DUSP19: variants seen among roughly 807,000 people sequenced by gnomAD.
DUSP19 encodes dual specificity phosphatase 19.
Under a neutral mutation model 16.6 loss-of-function variants are expected in DUSP19, and 14 were observed. The ratio of observed to expected loss-of-function variants is 0.84; its 90% CI spans 0.56 to 1.32. The LOEUF (loss-of-function observed/expected upper bound fraction) is 1.32. Ranked by LOEUF, DUSP19 falls within the 40% of genes most tolerant of loss-of-function variation. DUSP19 has a pLI of 0.00. For synonymous variants in DUSP19, 81 were observed against 90.5 expected (o/e 0.90, Z 0.59); for missense variants, 258 against 255.9 (o/e 1.01, Z -0.06).
At chr2:183,090,688 T>C (rs1302791990) in intron 3 of DUSP19, among the ~76,000 whole-genome samples, 1 of 152,258 alleles carries the variant, frequency 6.6e-6, no homozygotes, top group Admixed American at 6.5e-5. Flanking sequence ...CAGTTTATAT[T>C]CTTTTATAGC....
At chr2:183,081,150 A>G (rs1482553550) in intron 1 of DUSP19, among the ~76,000 whole-genome samples, 1 of 152,256 alleles carries the variant, frequency 6.6e-6, no homozygotes, top group Non-Finnish European at 1.5e-5. Context: ...AAAAAATATT[A>G]CATAGGCCCT....
intron 2 of DUSP19, among the ~76,000 whole-genome samples, chr2:183,085,390 A>C (rs1699646219): frequency 1.3e-5 from 2 of 152,228 alleles, no homozygotes; most frequent in South Asian, 4.1e-4. Flanking sequence ...TGGAAACTAA[A>C]GAGAATAGTG....
Position 183,095,619 on chromosome 2 carries a change from A to G in DUSP19, c.615A>G (p.Glu205=). The G allele has an allele frequency of 1.9e-6, 3 of 1,614,092 alleles. No homozygotes were observed. Among genetic ancestry groups the G allele is most frequent in the South Asian group, 2.2e-5 (2 of 91,076 alleles). Residue 205 remains glutamate, a synonymous_variant, in exon 4 of 4, where the codon GAA becomes GAG. Coordinates refer to ENST00000354221, the MANE Select transcript of DUSP19 (RefSeq NM_080876.4). ...EQLRTYQEGK[E]SNKCDRIQEN... ...TTCGTACATATCAAGAGGGCAAAGA[A>G]AGCAATAAGTGTGACAGAATACAGG...
chr2:183,081,014 G>A (rs1226488538), intron 1 of DUSP19, among the ~76,000 whole-genome samples: 1 of 152,180 alleles, frequency 6.6e-6, no homozygotes, highest in East Asian at 1.9e-4. Context: ...CCTCCTCAAA[G>A]CGACACAGCT....
At chr2:183,083,758 C>G (rs908063114) in intron 2 of DUSP19, among the ~76,000 whole-genome samples, 5 of 152,132 alleles carry the variant, frequency 3.3e-5, no homozygotes, top group African/African-American at 4.8e-5. Flanking sequence ...TTACATTCTT[C>G]TTGATCTCCT....
At chr2:183,090,992 C>T (rs1029295403) in intron 3 of DUSP19, among the ~76,000 whole-genome samples, 6 of 152,186 alleles carry the variant, frequency 3.9e-5, no homozygotes, top group African/African-American at 1.4e-4. Flanking sequence ...CTGATATTTG[C>T]ACTTCTTGGT....
chr2:183,082,419 C>CTTTT (rs71008260), intron 1 of DUSP19, among the ~76,000 whole-genome samples: 62 of 84,828 alleles, frequency 7.3e-4, no homozygotes, highest in African/African-American at 1.7e-3. Context: ...GAACATTTTT[C>CTTTT]TTTTTTTTTT....
intron 2 of DUSP19, among the ~76,000 whole-genome samples, chr2:183,084,024 C>A (rs1407444622): frequency 6.6e-6 from 1 of 152,096 alleles, no homozygotes; most frequent in Non-Finnish European, 1.5e-5. Flanking sequence ...TGTTTCAGGT[C>A]ATGGAATTGC....
intron 1 of DUSP19, among the ~76,000 whole-genome samples, chr2:183,082,334 C>A (rs1264476218): frequency 6.6e-6 from 1 of 151,618 alleles, no homozygotes. Flanking sequence ...ATTTTTTAAG[C>A]ATATACATAT....
In DUSP19 at chr2:183,079,069, G is replaced by A. The variant is rs1216966262; in HGVS notation, c.136G>A (p.Val46Ile). 1.2e-6 allele frequency: 2 copies of A among 1,614,178 alleles called. No homozygotes were observed. The highest frequency in any genetic ancestry group is 2.2e-5 in the South Asian group (2 of 91,082). ...TGCCAGAATTCATGTTGTGGAAGAA[G>A]TAGAGCCGAGCAGTGGGGGTGGTTG... ...KDARIHVVEE[V>I]EPSSGGGCGY... The change falls in exon 1 of 4, where the codon GTA becomes ATA. Residue 46 changes from valine (V) to isoleucine (I), a missense_variant. Val to Ile is a conservative substitution (Grantham distance 29). Coordinates refer to ENST00000354221, the MANE Select transcript of DUSP19 (RefSeq NM_080876.4).
At chr2:183,087,396 T>C (rs935946903) in intron 3 of DUSP19, among the ~76,000 whole-genome samples, 1 of 152,252 alleles carries the variant, frequency 6.6e-6, no homozygotes, top group African/African-American at 2.4e-5. Flanking sequence ...TAATTCAGAC[T>C]ATAAAACAGA....
chr2:183,086,948 C>T lies in DUSP19; in HGVS notation c.274-92C>T, dbSNP rs1172216755. On this transcript the variant is annotated intron_variant, in intron 2 of 3. Transcript: ENST00000354221. ...AGTGAGTCGCATTTAAATTTTTTAC[C>T]TTTCTTGTTATAGATATCAACACCC... 5.4e-6 allele frequency: 7 copies of T among 1,292,332 alleles called. No homozygotes were observed. In the Admixed American group the frequency reaches 1.0e-4, roughly 19 times the overall value. 80.1% of individuals were successfully genotyped at this position (1,292,332 alleles called of 1,614,324 possible).
At chr2:183,079,477 C>G (rs1187563988) in intron 1 of DUSP19, among the ~76,000 whole-genome samples, 1 of 151,874 alleles carries the variant, frequency 6.6e-6, no homozygotes, top group Non-Finnish European at 1.5e-5. Context: ...ATAAAAAATA[C>G]AGCTTGAAAA....
chr2:183,080,442 G>C (rs1699577798), intron 1 of DUSP19, among the ~76,000 whole-genome samples: 1 of 152,152 alleles, frequency 6.6e-6, no homozygotes, highest in African/African-American at 2.4e-5. Context: ...GTGAAAAACT[G>C]TACCATATTC....
intron 2 of DUSP19, among the ~76,000 whole-genome samples, chr2:183,084,444 TAA>T: frequency 6.8e-6 from 1 of 148,050 alleles, no homozygotes; most frequent in Middle Eastern, 3.6e-3. Context: ...AAAAAGAAAG[TAA>T]AGTGTTCATA....
chr2:183,081,353 G>C (rs535290020), intron 1 of DUSP19, among the ~76,000 whole-genome samples: 1 of 152,144 alleles, frequency 6.6e-6, no homozygotes, highest in African/African-American at 2.4e-5. Flanking sequence ...TCCAGCGATC[G>C]TCCCACCTCA....
chr2:183,095,838 A>T lies in DUSP19; in HGVS notation c.*180A>T, dbSNP rs1325122733. On this transcript the variant is annotated 3_prime_UTR_variant, in exon 4 of 4. Coordinates refer to ENST00000354221, the MANE Select transcript of DUSP19 (RefSeq NM_080876.4). Reference sequence around the variant, plus strand: ...GTATAAGTAAATTTCAAATGTCATTACTTTCTCTTTGTTATTATAATGTGT... The same window carrying T: ...GTATAAGTAAATTTCAAATGTCATTTCTTTCTCTTTGTTATTATAATGTGT... The T allele has an allele frequency of 2.3e-6, 1 of 432,274 alleles. No individual in the cohort carries two copies. Among genetic ancestry groups the T allele is most frequent in the African/African-American group, 2.0e-5 (1 of 49,794 alleles). The allele number at this position is 432,274 out of a possible 1,614,324, so 26.8% of individuals were successfully genotyped here.
intron 3 of DUSP19, among the ~76,000 whole-genome samples, 172 bp downstream of exon 3, chr2:183,087,364 A>G (rs1699675937): frequency 6.6e-6 from 1 of 152,168 alleles, no homozygotes; most frequent in African/African-American, 2.4e-5. Flanking sequence ...TCTTTTTTCA[A>G]TGAGATGTTT....
At chr2:183,085,597 A>G (rs915895921) in intron 2 of DUSP19, among the ~76,000 whole-genome samples, 2 of 151,960 alleles carry the variant, frequency 1.3e-5, no homozygotes, top group Non-Finnish European at 2.9e-5. Context: ...GAAAAAAAAA[A>G]AGAGAGAGAG....
Sources: gnomAD v4.1 joint callset for allele counts (sites outside exome capture counted in the v4.1 genomes callset) on GRCh38, gnomAD v4.1.1 for gene constraint, MANE v1.5 for transcripts, NCBI Gene and HGNC (gene_info 2026-07-23, HGNC 2026-07-21) for gene names.